Variants in DAB1 observed in about 807,000 individuals in gnomAD.
DAB1 encodes the protein disabled homolog 1.
DAB1 carries 15 observed loss-of-function variants against 64.6 expected under a neutral mutation model. The ratio of observed to expected loss-of-function variants is 0.23; its 90% CI spans 0.16 to 0.36. DAB1 has a LOEUF of 0.36. DAB1 is among the 10% of genes least tolerant of loss of function. The probability of loss-of-function intolerance (pLI) is 1.00; values close to 1 mark genes in which losing one functional copy is unlikely to be tolerated. For synonymous variants in DAB1, 235 were observed against 251.9 expected (o/e 0.93, Z 0.64); for missense variants, 596 against 706.7 (o/e 0.84, Z 1.78).
At chr1:57,088,024 C>A (rs1314666205) in intron 4 of DAB1, among the ~76,000 whole-genome samples, 1 of 152,216 alleles carries the variant, frequency 6.6e-6, no homozygotes. Context: ...AGGCCTCAAC[C>A]TTGGCCTAGA....
chr1:57,124,789 A>G (rs984971800), intron 4 of DAB1, among the ~76,000 whole-genome samples: 2 of 152,192 alleles, frequency 1.3e-5, no homozygotes, highest in Non-Finnish European at 2.9e-5. Flanking sequence ...GGCTGAAGCC[A>G]TAATACAGAA....
chr1:58,125,989 G>A (rs1198417799), intron 5 of DAB1, among the ~76,000 whole-genome samples: 1 of 152,090 alleles, frequency 6.6e-6, no homozygotes, highest in Non-Finnish European at 1.5e-5. Context: ...CCACGGAGGA[G>A]CCAGGGGAAG....
At chr1:58,298,808 A>C (rs1662050174) in intron 4 of DAB1, among the ~76,000 whole-genome samples, 2 of 152,234 alleles carry the variant, frequency 1.3e-5, no homozygotes, top group Non-Finnish European at 2.9e-5. Flanking sequence ...TGCCCAGTCT[A>C]GAGTAGGCAC....
At chr1:57,454,258 T>A (rs1318833960) in intron 7 of DAB1, among the ~76,000 whole-genome samples, 1 of 152,152 alleles carries the variant, frequency 6.6e-6, no homozygotes, top group Non-Finnish European at 1.5e-5. Context: ...TCAACCTAAC[T>A]GCCCATCAGT....
At position 57,562,978 on chromosome 1, in the gene DAB1, T is replaced by C. The variant is rs193283710; in HGVS notation, n.625+86614A>G. On this transcript the variant is annotated intron_variant and non_coding_transcript_variant, in intron 7 of 20. Transcript: ENST00000485760. ...GTATATATATATAAATAGGAGGCCA[T>C]TAGGGCGTCTCTTAGTATTACCATG... 1.4e-3 allele frequency among the ~76,000 whole-genome samples: 211 copies of C among 152,280 alleles called. 1 individual carries two copies. Among genetic ancestry groups the C allele is most frequent in the African/African-American group, 4.7e-3 (195 of 41,556 alleles).
At chr1:57,731,208 TAGTC>T (rs1391424974) in intron 6 of DAB1, among the ~76,000 whole-genome samples, 8 of 152,194 alleles carry the variant, frequency 5.3e-5, no homozygotes, top group Admixed American at 3.3e-4. Flanking sequence ...CTAAGTAAAA[TAGTC>T]AGTCACATAA....
chr1:58,432,359 G>A lies in DAB1; in HGVS notation n.257+73701C>T, dbSNP rs1644888526. 2.6e-5 allele frequency among the ~76,000 whole-genome samples: 4 copies of A among 152,048 alleles called. 1 individual carries two copies. In the South Asian group the frequency reaches 8.3e-4, roughly 31 times the overall value. On this transcript the variant is annotated intron_variant and non_coding_transcript_variant, in intron 3 of 20. Coordinates refer to the DAB1 transcript ENST00000485760. ...ATCTGCCTTCTCTCCTAGACTCTAAGTTCCTCAAAATCAAAGAAAAAAAAT... is the reference window on the plus strand; with the variant it reads ...ATCTGCCTTCTCTCCTAGACTCTAAATTCCTCAAAATCAAAGAAAAAAAAT...
chr1:58,385,117 C>T (rs1411979902), intron 3 of DAB1, among the ~76,000 whole-genome samples: 1 of 152,110 alleles, frequency 6.6e-6, no homozygotes, highest in Non-Finnish European at 1.5e-5. Context: ...CAACAAAAAA[C>T]AAAGAGACAT....
intron 5 of DAB1, among the ~76,000 whole-genome samples, chr1:57,913,780 T>C (rs140520927): frequency 0.2 from 30,186 of 151,714 alleles, 3,326 homozygotes; most frequent in Admixed American, 0.27. Context: ...AACAAGCGGG[T>C]GAAGGATATG....
At chr1:58,442,127 G>T (rs975139310) in intron 3 of DAB1, among the ~76,000 whole-genome samples, 1 of 152,216 alleles carries the variant, frequency 6.6e-6, no homozygotes, top group Non-Finnish European at 1.5e-5. Flanking sequence ...TTGTGTGCGT[G>T]TGTGTGCATG....
chr1:58,324,398 T>A (rs959215809), intron 4 of DAB1, among the ~76,000 whole-genome samples: 2 of 152,202 alleles, frequency 1.3e-5, no homozygotes, highest in Non-Finnish European at 2.9e-5. Flanking sequence ...TTTCTCATCA[T>A]ATTAGTTTTG....
chr1:58,185,599 T>C lies in DAB1; in HGVS notation n.310-35011A>G, dbSNP rs78092806. The stretch of plus-strand genomic sequence containing the variant: ...GTTTTTAAAGACTTTGAATCTTTAA[T>C]ATATGATATCCCTCTGGCACTACTT... On this transcript the variant is annotated intron_variant and non_coding_transcript_variant, in intron 4 of 20. Transcript: ENST00000485760. Among the ~76,000 whole-genome samples, 589 of 152,270 alleles carry C rather than the reference T, an allele frequency of 3.9e-3. 18 individuals are homozygous for C. In the East Asian group the frequency reaches 0.074, roughly 19 times the overall value.
chr1:58,282,650 A>C (rs1416592541), intron 4 of DAB1, among the ~76,000 whole-genome samples: 3 of 150,884 alleles, frequency 2.0e-5, no homozygotes, highest in African/African-American at 4.9e-5. Flanking sequence ...AATAGAAGGC[A>C]CATATGATAT....
At chr1:57,779,595 G>A (rs956541403) in intron 6 of DAB1, among the ~76,000 whole-genome samples, 6 of 152,112 alleles carry the variant, frequency 3.9e-5, no homozygotes, top group East Asian at 1.9e-4. Context: ...TTTGTACAAC[G>A]TAAATTGAAT....
intron 5 of DAB1, among the ~76,000 whole-genome samples, chr1:57,918,625 C>G (rs377168340): frequency 6.6e-6 from 1 of 152,036 alleles, no homozygotes; most frequent in East Asian, 1.9e-4. Flanking sequence ...GAGATACAGA[C>G]CATCCTGGCT....
At chr1:58,319,343 C>A (rs1290615304) in intron 4 of DAB1, among the ~76,000 whole-genome samples, 1 of 152,178 alleles carries the variant, frequency 6.6e-6, no homozygotes, top group African/African-American at 2.4e-5. Context: ...TTTTCACATT[C>A]CTTTTGCATT....
chr1:58,484,663 C>T (rs1033125149), intron 3 of DAB1, among the ~76,000 whole-genome samples: 1 of 152,088 alleles, frequency 6.6e-6, no homozygotes, highest in African/African-American at 2.4e-5. Flanking sequence ...TTGGAAATAA[C>T]CAAGATTTCC....
At chr1:57,888,999 C>T (rs1390278897), upstream of DAB1, among the ~76,000 whole-genome samples, 2 of 152,106 alleles carry the variant, frequency 1.3e-5, no homozygotes, top group Non-Finnish European at 2.9e-5. Context: ...AAGGAGTGTG[C>T]GATGGAGAGT....
intron 6 of DAB1, among the ~76,000 whole-genome samples, chr1:57,797,818 T>A (rs565828249): frequency 6.6e-6 from 1 of 151,592 alleles, no homozygotes; most frequent in East Asian, 1.9e-4. Context: ...TATAATATTG[T>A]TTGGGGTTTT....
Sources: allele counts gnomAD v4.1 joint callset (sites outside exome capture counted in the v4.1 genomes callset), GRCh38; gene constraint gnomAD v4.1.1; transcripts MANE v1.5; gene names NCBI Gene and HGNC (gene_info 2026-07-23, HGNC 2026-07-21).